Variants in CCNJ observed in about 807,000 individuals in gnomAD.
CCNJ encodes the protein cyclin-J.
A neutral mutation model predicts 41.4 loss-of-function variants in CCNJ; 12 were observed. The ratio of observed to expected loss-of-function variants is 0.29; its 90% CI spans 0.19 to 0.47. The LOEUF (loss-of-function observed/expected upper bound fraction) is 0.47. Among genes scored for constraint, CCNJ ranks in the 20% least tolerant of loss-of-function variants. CCNJ has a pLI of 1.00. For missense variants in CCNJ, 340 were observed against 464.6 expected, an observed-to-expected ratio of 0.73 and a Z score of 2.47; for synonymous variants, 161 against 173.4, an observed-to-expected ratio of 0.93 and a Z score of 0.56.
In CCNJ at chr10:96,060,182, G is replaced by A. The variant is rs1765936623; in HGVS notation, c.*1941G>A. 6.6e-6 allele frequency: 1 copy of A among 152,574 alleles called. No individual in the cohort carries two copies. Among genetic ancestry groups the A allele is most frequent in the African/African-American group, 2.4e-5 (1 of 41,428 alleles). 9.5% of individuals were successfully genotyped at this position (152,574 alleles called of 1,614,324 possible). The stretch of plus-strand genomic sequence containing the variant: ...CTTTCACATTCACATTCAGAACCCA[G>A]CAACCTGGAGTCCAATTTTCAGTAT... On this transcript the variant is annotated 3_prime_UTR_variant, in exon 6 of 6. Transcript: ENST00000465148.
At chr10:96,055,060 T>C (rs1356399938) in intron 3 of CCNJ, among the ~76,000 whole-genome samples, 1 of 152,206 alleles carries the variant, frequency 6.6e-6, no homozygotes, top group Non-Finnish European at 1.5e-5. Context: ...GGCAATAAGC[T>C]GGATAACTAT....
intron 2 of CCNJ, among the ~76,000 whole-genome samples, chr10:96,049,856 A>G (rs1204618032): frequency 6.6e-6 from 1 of 152,116 alleles, no homozygotes; most frequent in Non-Finnish European, 1.5e-5. Context: ...CCACTTATCT[A>G]TTACCTTCTA....
Position 96,045,643 on chromosome 10 carries a change from T to A in CCNJ, c.69+1181T>A, listed in dbSNP as rs117306050. On this transcript the variant is annotated intron_variant, in intron 2 of 5. Transcript: ENST00000465148. ...CTCTGGAGTGTTAGTTAGGAAAGAG[T>A]TGCAGTTTCTTGGAAAATTGTCCAG... Among the ~76,000 whole-genome samples, 1,191 of 152,116 alleles carry A rather than the reference T, an allele frequency of 7.8e-3. 15 individuals carry two copies. Among genetic ancestry groups the A allele is most frequent in the African/African-American group, 0.026 (1,072 of 41,510 alleles).
chr10:96,043,378 C>A (rs1045869079), upstream of CCNJ: 3 of 353,728 alleles, frequency 8.5e-6, no homozygotes, highest in African/African-American at 6.4e-5. Context: ...CCAGGCCAGC[C>A]CAGGCCACGC....
At chr10:96,055,362 T>G (rs1032122509) in intron 3 of CCNJ, among the ~76,000 whole-genome samples, 8 of 152,192 alleles carry the variant, frequency 5.3e-5, no homozygotes, top group African/African-American at 1.9e-4. Flanking sequence ...AAATCTAAAA[T>G]AGAACACAGT....
chr10:96,050,497 A>G, intron 3 of CCNJ, 31 bp downstream of exon 3: 1 of 1,477,806 alleles, frequency 6.8e-7, no homozygotes, highest in Non-Finnish European at 9.5e-7. Flanking sequence ...CATGACTGGA[A>G]ATTTCTGATG....
Position 96,060,437 on chromosome 10 carries a change from A to G in CCNJ, c.*2196A>G, listed in dbSNP as rs1406298178. ...AACACTGGATTAATAATCTTTTGGGAGGGTAGAATAAAATAATTGATTACT... is the reference window on the plus strand; with the variant it reads ...AACACTGGATTAATAATCTTTTGGGGGGGTAGAATAAAATAATTGATTACT... On this transcript the variant is annotated 3_prime_UTR_variant, in exon 6 of 6. Coordinates refer to ENST00000465148, the MANE Select transcript of CCNJ (RefSeq NM_001134375.2). 6.6e-6 allele frequency: 1 copy of G among 152,594 alleles called. No individual in the cohort carries two copies. The highest frequency in any genetic ancestry group is 1.5e-5 in the Non-Finnish European group (1 of 68,024). 9.5% of individuals were successfully genotyped at this position (152,594 alleles called of 1,614,324 possible).
Position 96,044,382 on chromosome 10 carries a change from C to T in CCNJ, c.-12C>T, listed in dbSNP as rs2142020033. 6 of 1,516,728 alleles carry T rather than the reference C, an allele frequency of 4.0e-6. No individual in the cohort carries two copies. Among genetic ancestry groups the T allele is most frequent in the Non-Finnish European group, 2.7e-6 (3 of 1,125,178 alleles). The allele number at this position is 1,516,728 out of a possible 1,614,324, so 94.0% of individuals were successfully genotyped here. ...GAGTTGCCGCGTCGGGCTGGGCGCG[C>T]CGCCGGGTCCCATGGAGCTGGAGGG... On this transcript the variant is annotated 5_prime_UTR_variant, in exon 2 of 6. Coordinates refer to ENST00000465148, the MANE Select transcript of CCNJ (RefSeq NM_001134375.2).
rs1255924068 is a variant in CCNJ at position 96,057,126 on chromosome 10, G to A, written c.619G>A (p.Ala207Thr). ...FLNYAPSLVA[A>T]ACVASSRIIL... ...AAATTATGCACCTTCTTTAGTAGCT[G>A]CTGCATGTGTGGCTTCTTCGAGGAT... The change falls in exon 5 of 6, where the codon GCT becomes ACT. Residue 207 changes from alanine to threonine, a missense_variant. By Grantham distance (58) the Ala-to-Thr change is moderately conservative (BLOSUM62 0). Around this residue, in one of 3 missense-constraint regions of CCNJ, gnomAD observed 137 missense variants for 252.9 expected, o/e 0.54. Transcript: ENST00000465148. The A allele has an allele frequency of 1.2e-6, 2 of 1,614,170 alleles. No homozygotes were observed. The highest frequency in any genetic ancestry group is 1.7e-6 in the Non-Finnish European group (2 of 1,180,000).
chr10:96,044,294 G>C (rs990198282), intron 1 of CCNJ, 59 bp from the exon 2 acceptor site: 162 of 958,338 alleles, frequency 1.7e-4, no homozygotes, highest in Non-Finnish European at 2.0e-4. Context: ...CCCCCGGGGA[G>C]GGGGCGCAGA....
chr10:96,058,389 T>C lies in CCNJ; in HGVS notation c.*148T>C, dbSNP rs1411010546. 2.7e-5 allele frequency: 17 copies of C among 623,412 alleles called. No individual in the cohort carries two copies. The highest frequency in any genetic ancestry group is 4.2e-5 in the Non-Finnish European group (15 of 357,708). 38.6% of individuals were successfully genotyped at this position (623,412 alleles called of 1,614,324 possible). On this transcript the variant is annotated 3_prime_UTR_variant, in exon 6 of 6. Transcript: ENST00000465148. ...GCACCAGGAAGACTGAATATCCTTTTTAATGCACCATGAATCCTGGGAGAC... is the reference window on the plus strand; with the variant it reads ...GCACCAGGAAGACTGAATATCCTTTCTAATGCACCATGAATCCTGGGAGAC...
intron 3 of CCNJ, among the ~76,000 whole-genome samples, chr10:96,055,321 G>C (rs1488168824): frequency 2.0e-5 from 3 of 152,142 alleles, no homozygotes; most frequent in Non-Finnish European, 2.9e-5. Flanking sequence ...GAATCTCCTG[G>C]CATAGGCATA....
intron 2 of CCNJ, among the ~76,000 whole-genome samples, chr10:96,049,018 C>G (rs1420750470): frequency 6.6e-6 from 1 of 152,200 alleles, no homozygotes; most frequent in Non-Finnish European, 1.5e-5. Context: ...ACAACTACAT[C>G]ATTTTACATT....
chr10:96,055,734 T>C (rs759291938), intron 3 of CCNJ, among the ~76,000 whole-genome samples: 4 of 152,216 alleles, frequency 2.6e-5, no homozygotes, highest in Non-Finnish European at 5.9e-5. Context: ...CATCATATTG[T>C]CTTTACTCCT....
chr10:96,046,576 A>T (rs61858613), intron 2 of CCNJ, among the ~76,000 whole-genome samples: 35,626 of 152,134 alleles, frequency 0.23, 5,388 homozygotes, highest in Middle Eastern at 0.35. Flanking sequence ...TTGCCTTCAT[A>T]GTCTAACCTT....
chr10:96,048,574 AC>A (rs937180252), intron 2 of CCNJ, among the ~76,000 whole-genome samples: 2 of 152,072 alleles, frequency 1.3e-5, no homozygotes, highest in African/African-American at 4.8e-5. Flanking sequence ...GAAACTCCAT[AC>A]CCATTGAACG....
At chr10:96,051,370 T>C (rs1437069677) in intron 3 of CCNJ, among the ~76,000 whole-genome samples, 1 of 152,356 alleles carries the variant, frequency 6.6e-6, no homozygotes, top group East Asian at 1.9e-4. Context: ...GTATTTGATA[T>C]GGAAGTTGAA....
intron 2 of CCNJ, among the ~76,000 whole-genome samples, chr10:96,049,573 G>T (rs1029609004): frequency 6.9e-6 from 1 of 145,196 alleles, no homozygotes; most frequent in Admixed American, 7.0e-5. Flanking sequence ...GTTGGGTTTA[G>T]TATCAGTATT....
chr10:96,043,387 G>A (rs924375303), upstream of CCNJ: 11 of 357,618 alleles, frequency 3.1e-5, no homozygotes, highest in Admixed American at 2.8e-4. Context: ...CCCAGGCCAC[G>A]CCGCGCCGTG....
Sources: allele counts gnomAD v4.1 joint callset (sites outside exome capture counted in the v4.1 genomes callset), GRCh38; gene constraint gnomAD v4.1.1; regional missense constraint gnomAD v4.1.1; transcripts MANE v1.5; gene names NCBI Gene and HGNC (gene_info 2026-07-23, HGNC 2026-07-21).